Variants in CPNE8 observed in about 807,000 individuals in gnomAD.
CPNE8 encodes copine 8.
In CPNE8, 45 loss-of-function variants were observed where a neutral mutation model predicts 81.5. The ratio of observed to expected loss-of-function variants is 0.55; its 90% CI spans 0.44 to 0.71. CPNE8 has a LOEUF of 0.71. CPNE8 is among the 30% of genes least tolerant of loss of function. CPNE8 has a pLI of 0.00. For missense variants in CPNE8, 594 were observed against 672.1 expected (o/e 0.88, Z 1.28); for synonymous variants, 252 against 226.3 (o/e 1.11, Z -1.02).
intron 7 of CPNE8, among the ~76,000 whole-genome samples, chr12:38,774,279 T>C (rs1404695164): frequency 6.6e-6 from 1 of 152,134 alleles, no homozygotes; most frequent in Non-Finnish European, 1.5e-5. Context: ...CTCAATAAAC[T>C]CAAGATTTTG....
chr12:38,906,292 G>T (rs1384260543), upstream of CPNE8: 1 of 985,520 alleles, frequency 1.0e-6, no homozygotes, highest in Non-Finnish European at 1.2e-6. Context: ...CTTGGAACAC[G>T]GTGGCAAAGT....
At chr12:38,700,401 G>C (rs1860869830) in intron 14 of CPNE8, among the ~76,000 whole-genome samples, 2 of 151,886 alleles carry the variant, frequency 1.3e-5, no homozygotes, top group Non-Finnish European at 2.9e-5. Flanking sequence ...AACACGCCTG[G>C]CTAATTTTTT....
intron 15 of CPNE8, among the ~76,000 whole-genome samples, chr12:38,686,343 C>T (rs549070253): frequency 2.0e-5 from 3 of 152,230 alleles, no homozygotes; most frequent in African/African-American, 4.8e-5. Context: ...CTGGGAACAG[C>T]GCCCAGAAAG....
At chr12:38,753,757 C>T (rs1941398681) in intron 10 of CPNE8, among the ~76,000 whole-genome samples, 1 of 152,058 alleles carries the variant, frequency 6.6e-6, no homozygotes, top group Admixed American at 6.6e-5. Context: ...AGAGAGACCA[C>T]ATTCACATAA....
chr12:38,757,228 A>T (rs778923686), intron 10 of CPNE8, among the ~76,000 whole-genome samples: 8 of 152,184 alleles, frequency 5.3e-5, no homozygotes, highest in Non-Finnish European at 8.8e-5. Context: ...ACAAATATTA[A>T]TGATGACAGG....
At chr12:38,854,879 A>G (rs186884977) in intron 3 of CPNE8, among the ~76,000 whole-genome samples, 3 of 152,230 alleles carry the variant, frequency 2.0e-5, no homozygotes, top group East Asian at 1.9e-4. Flanking sequence ...TCTACTTAAC[A>G]TAGGACTACA....
At chr12:38,809,812 T>C (rs1942896983) in intron 6 of CPNE8, among the ~76,000 whole-genome samples, 1 of 152,184 alleles carries the variant, frequency 6.6e-6, no homozygotes. Flanking sequence ...TCATGGGACA[T>C]AGATCACTCC....
intron 6 of CPNE8, among the ~76,000 whole-genome samples, chr12:38,794,231 T>C (rs1464274684): frequency 1.3e-5 from 2 of 152,094 alleles, no homozygotes; most frequent in African/African-American, 4.8e-5. Flanking sequence ...CTTTTGTGTA[T>C]CAAAGGACAT....
At chr12:38,674,813 C>T (rs995135420) in intron 18 of CPNE8, among the ~76,000 whole-genome samples, 1 of 152,078 alleles carries the variant, frequency 6.6e-6, no homozygotes, top group Admixed American at 6.5e-5. Flanking sequence ...TAAGAATCAC[C>T]TCAGTGATAA....
intron 6 of CPNE8, among the ~76,000 whole-genome samples, chr12:38,795,867 G>A (rs61937797): frequency 0.025 from 3,768 of 148,234 alleles, 135 homozygotes; most frequent in African/African-American, 0.081. Context: ...ATGGATGGAT[G>A]GATAGATAGA....
chr12:38,874,872 T>G (rs1944045284), intron 1 of CPNE8, among the ~76,000 whole-genome samples: 1 of 152,220 alleles, frequency 6.6e-6, no homozygotes, highest in African/African-American at 2.4e-5. Flanking sequence ...AAATGCTTCC[T>G]GAATTGAATT....
intron 3 of CPNE8, among the ~76,000 whole-genome samples, chr12:38,852,430 A>G (rs1428407030): frequency 3.6e-5 from 3 of 83,302 alleles, no homozygotes; most frequent in Non-Finnish European, 1.0e-4. Context: ...CTCTGTCTCA[A>G]AAAAAAAAAA....
intron 19 of CPNE8, among the ~76,000 whole-genome samples, chr12:38,656,026 T>G (rs1019814263): frequency 6.7e-6 from 1 of 149,766 alleles, no homozygotes; most frequent in African/African-American, 2.4e-5. Flanking sequence ...AGAATGAGAA[T>G]TAGAACTTTT....
At chr12:38,703,039 A>G in intron 13 of CPNE8, 118 bp from the exon 14 acceptor site, 1 of 669,636 alleles carries the variant, frequency 1.5e-6, no homozygotes. Context: ...AATTAAGAGC[A>G]ATATATTACA....
chr12:38,820,329 CG>C (rs1943093653), intron 6 of CPNE8, among the ~76,000 whole-genome samples: 1 of 151,666 alleles, frequency 6.6e-6, no homozygotes, highest in South Asian at 2.1e-4. Flanking sequence ...TGCTTGAACC[CG>C]GGAGGCAGAA....
chr12:38,886,518 T>C (rs140420800), intron 1 of CPNE8, among the ~76,000 whole-genome samples: 1,644 of 152,322 alleles, frequency 0.011, 12 homozygotes, highest in Non-Finnish European at 0.018. Context: ...AAAATATTCA[T>C]TCATGCTTTC....
intron 6 of CPNE8, among the ~76,000 whole-genome samples, chr12:38,789,355 G>A (rs1470754878): frequency 1.3e-5 from 2 of 151,748 alleles, no homozygotes; most frequent in Admixed American, 1.3e-4. Flanking sequence ...CTGGGGAAAA[G>A]ACAGTCTGTT....
intron 10 of CPNE8, among the ~76,000 whole-genome samples, chr12:38,746,218 C>A (rs1160728988): frequency 6.6e-6 from 1 of 151,756 alleles, no homozygotes; most frequent in African/African-American, 2.4e-5. Flanking sequence ...GAACATAGAT[C>A]AAAAATATTT....
At chr12:38,769,749 A>G (rs1941763556) in intron 7 of CPNE8, among the ~76,000 whole-genome samples, 1 of 152,230 alleles carries the variant, frequency 6.6e-6, no homozygotes, top group South Asian at 2.1e-4. Context: ...ATAAAACATC[A>G]GAGGTGTATT....
Sources: allele counts gnomAD v4.1 joint callset (sites outside exome capture counted in the v4.1 genomes callset), GRCh38; gene constraint gnomAD v4.1.1; transcripts MANE v1.5; gene names NCBI Gene and HGNC (gene_info 2026-07-23, HGNC 2026-07-21).